Variants in LRRC28 observed in about 807,000 individuals in gnomAD.
LRRC28 encodes leucine rich repeat containing 28.
In LRRC28, 39 loss-of-function variants were observed where a neutral mutation model predicts 45.7. The ratio of observed to expected loss-of-function variants is 0.85; its 90% CI spans 0.66 to 1.12. LRRC28 has a LOEUF of 1.12. Among genes scored for constraint, LRRC28 ranks in the 50% most tolerant of loss-of-function variants. The probability of loss-of-function intolerance (pLI) is 0.00; values close to 1 mark genes in which losing one functional copy is unlikely to be tolerated. For missense variants in LRRC28, 435 were observed against 438.5 expected (o/e 0.99, Z 0.07); for synonymous variants, 206 against 178.8 (o/e 1.15, Z -1.22).
chr15:99,281,141 T>A (rs555021931), intron 3 of LRRC28, among the ~76,000 whole-genome samples: 6 of 150,896 alleles, frequency 4.0e-5, no homozygotes, highest in Non-Finnish European at 5.9e-5. Flanking sequence ...GATCCTCCCA[T>A]CTCAGCCTCC....
At chr15:99,365,093 CT>C (rs1216778096) in intron 9 of LRRC28, among the ~76,000 whole-genome samples, 2 of 152,062 alleles carry the variant, frequency 1.3e-5, no homozygotes, top group Non-Finnish European at 2.9e-5. Context: ...TAAAATTAAA[CT>C]TTTTTAATCT....
intron 5 of LRRC28, among the ~76,000 whole-genome samples, chr15:99,312,294 A>G (rs953408150): frequency 1.3e-5 from 2 of 152,212 alleles, no homozygotes; most frequent in African/African-American, 2.4e-5. Flanking sequence ...ACTATAGGCA[A>G]TTATAACACA....
At chr15:99,381,458 T>C (rs986207334) in intron 9 of LRRC28, among the ~76,000 whole-genome samples, 1 of 152,242 alleles carries the variant, frequency 6.6e-6, no homozygotes, top group Non-Finnish European at 1.5e-5. Context: ...GGTTTTTAGC[T>C]TCTTTGCGAT....
chr15:99,293,628 A>AAAAAAAAAAAAAAAAAAC (rs1567635396), intron 5 of LRRC28, among the ~76,000 whole-genome samples: 2 of 142,166 alleles, frequency 1.4e-5, no homozygotes, highest in African/African-American at 2.7e-5. Context: ...AAAAAAAAAA[A>AAAAAAAAAAAAAAAAAAC]AAAAACCTAA....
chr15:99,372,810 TA>T (rs1957519841), intron 9 of LRRC28, among the ~76,000 whole-genome samples: 1 of 152,144 alleles, frequency 6.6e-6, no homozygotes, highest in Admixed American at 6.5e-5. Flanking sequence ...GGGTAATTCA[TA>T]AAGGAAAGAG....
chr15:99,297,271 G>A (rs1476255812), intron 5 of LRRC28: 2 of 151,604 alleles, frequency 1.3e-5, no homozygotes, highest in Non-Finnish European at 2.9e-5. Flanking sequence ...TTTTATTTTA[G>A]GGGCAGGATC....
intron 5 of LRRC28, among the ~76,000 whole-genome samples, chr15:99,306,248 G>T (rs551752847): frequency 1.3e-5 from 2 of 152,308 alleles, no homozygotes; most frequent in South Asian, 4.1e-4. Context: ...AACTGTGCAC[G>T]ACTGGGCAGG....
chr15:99,290,246 G>T (rs1031610280), intron 5 of LRRC28, among the ~76,000 whole-genome samples: 4 of 147,724 alleles, frequency 2.7e-5, no homozygotes, highest in African/African-American at 7.4e-5. Context: ...GTGACAGAGT[G>T]AGACCCTGCC....
intron 9 of LRRC28, among the ~76,000 whole-genome samples, chr15:99,374,960 C>T (rs62025363): frequency 0.14 from 20,750 of 152,138 alleles, 1,488 homozygotes; most frequent in Non-Finnish European, 0.17. Context: ...AGCCACCGCA[C>T]CCAGCTGCCT....
At chr15:99,354,149 A>G (rs934769975) in intron 7 of LRRC28, 5 of 152,214 alleles carry the variant, frequency 3.3e-5, no homozygotes, top group African/African-American at 9.6e-5. Flanking sequence ...ATCTAAAGGC[A>G]TTTTTAGCCT....
intron 5 of LRRC28, among the ~76,000 whole-genome samples, chr15:99,300,554 C>T (rs1361464732): frequency 6.6e-6 from 1 of 152,116 alleles, no homozygotes; most frequent in Non-Finnish European, 1.5e-5. Context: ...TGGCCGGGCA[C>T]CATGGCTCAT....
chr15:99,259,598 A>G, intron 2 of LRRC28: 2 of 1,494,234 alleles, frequency 1.3e-6, no homozygotes, highest in East Asian at 4.5e-5. Flanking sequence ...GGAGAGAATC[A>G]TGAAAGCACA....
At position 99,334,057 on chromosome 15, in the gene LRRC28, CG is replaced by C; in HGVS notation, c.521del (p.Arg174ProfsTer26). 1.9e-6 allele frequency: 3 copies of C among 1,614,128 alleles called. No individual in the cohort carries two copies. On this transcript the variant is annotated frameshift_variant, in exon 6 of 10. Transcript: ENST00000301981. LOFTEE classifies it high-confidence loss of function. ...VDRNRLWYVP[R>X]HLCQLPSLNE... ...CCGAAATCGTCTATGGTATGTGCCG[CG>C]CCATCTCTGCCAGCTGCCCAGCCTC...
rs1567671879 is a variant in LRRC28, at chr15:99,334,004, G to T, written c.467G>T (p.Cys156Phe). The T allele has an allele frequency of 2.5e-6, 4 of 1,614,116 alleles. No individual in the cohort carries two copies. Among genetic ancestry groups the T allele is most frequent in the East Asian group, 4.5e-5 (2 of 44,888 alleles). Residue 156 changes from cysteine (C) to phenylalanine (F), a missense_variant, in exon 6 of 10, where the codon TGC becomes TTC. Coordinates refer to ENST00000301981, the MANE Select transcript of LRRC28 (RefSeq NM_144598.5). ...LLTLPERLHM[C>F]LSLQYLTVDR... is the part of the protein sequence containing the mutation. ...ACTTTACCCGAGAGGCTTCACATGT[G>T]CCTTTCTCTGCAGTACCTCACTGTG...
intron 1 of LRRC28, among the ~76,000 whole-genome samples, chr15:99,254,243 G>A (rs1312338292): frequency 6.6e-6 from 1 of 152,176 alleles, no homozygotes. Flanking sequence ...TAGGTGAGTA[G>A]GTGGAATAAA....
At chr15:99,270,005 T>G (rs2081432431) in intron 2 of LRRC28, among the ~76,000 whole-genome samples, 1 of 152,234 alleles carries the variant, frequency 6.6e-6, no homozygotes, top group African/African-American at 2.4e-5. Flanking sequence ...CCTCTGTTGA[T>G]AAATATTGCT....
intron 2 of LRRC28, 83 bp from the exon 3 acceptor site, chr15:99,276,493 G>T: frequency 1.8e-6 from 2 of 1,111,894 alleles, no homozygotes; most frequent in East Asian, 2.7e-5. Context: ...CCCTCAAAAA[G>T]GTAGTACTTT....
At chr15:99,285,155 C>T in intron 3 of LRRC28, 1 of 722,806 alleles carries the variant, frequency 1.4e-6, no homozygotes, top group Non-Finnish European at 2.6e-6. Flanking sequence ...CTTTTCTTGT[C>T]ACTGCCTCAG....
At chr15:99,267,111 A>G (rs1455218180) in intron 2 of LRRC28, among the ~76,000 whole-genome samples, 3 of 152,222 alleles carry the variant, frequency 2.0e-5, no homozygotes, top group Non-Finnish European at 4.4e-5. Flanking sequence ...TAGTGCCACT[A>G]AGTTTTTATC....
Sources: allele counts gnomAD v4.1 joint callset (sites outside exome capture counted in the v4.1 genomes callset), GRCh38; gene constraint gnomAD v4.1.1; transcripts MANE v1.5; gene names NCBI Gene and HGNC (gene_info 2026-07-23, HGNC 2026-07-21).